PRKD3: variants seen among roughly 807,000 people sequenced by gnomAD.
The protein encoded by PRKD3 is serine/threonine-protein kinase D3.
PRKD3 carries 47 observed loss-of-function variants against 99.2 expected under a neutral mutation model. The ratio of observed to expected loss-of-function variants is 0.47; its 90% CI spans 0.38 to 0.60. The LOEUF is 0.60. Ranked by LOEUF, PRKD3 falls within the 20% of genes least tolerant of loss-of-function variation. The pLI is 0.00. For synonymous variants in PRKD3, 392 were observed against 355.4 expected, an observed-to-expected ratio of 1.10 and a Z score of -1.16; for missense variants, 1,019 against 1,088.4, an observed-to-expected ratio of 0.94 and a Z score of 0.90.
At position 37,316,816 on chromosome 2, in the gene PRKD3, G is replaced by T; in HGVS notation, c.-292C>A. 8.4e-7 allele frequency: 1 copy of T among 1,187,138 alleles called. No individual in the cohort carries two copies. Among genetic ancestry groups the T allele is most frequent in the Non-Finnish European group, 1.0e-6 (1 of 957,710 alleles). 73.5% of individuals were successfully genotyped at this position (1,187,138 alleles called of 1,614,324 possible). The stretch of plus-strand genomic sequence containing the variant: ...AACATCACTGAGCTATCCTCAGCAG[G>T]ATAGAGTTGACGTAGCTTATTTACG... On this transcript the variant is annotated 5_prime_UTR_variant, in exon 2 of 19. Transcript: ENST00000234179.
At chr2:37,272,993 G>A (rs1220923562) in intron 11 of PRKD3, among the ~76,000 whole-genome samples, 2 of 150,988 alleles carry the variant, frequency 1.3e-5, no homozygotes, top group Non-Finnish European at 2.9e-5. Flanking sequence ...GTGGGGGGAG[G>A]GGGGGAAGTG....
chr2:37,253,090 G>T lies in PRKD3; in HGVS notation c.*87C>A, dbSNP rs1667643809. 1.5e-6 allele frequency: 2 copies of T among 1,335,820 alleles called. No individual in the cohort carries two copies. The highest frequency in any genetic ancestry group is 1.0e-6 in the Non-Finnish European group (1 of 970,362). The allele number at this position is 1,335,820 out of a possible 1,614,324, so 82.7% of individuals were successfully genotyped here. ...TATTTCTTCATATCTTTGCAGCACT[G>T]CAGATGACAATCTACAAAGAACAAG... On this transcript the variant is annotated 3_prime_UTR_variant, in exon 19 of 19. Coordinates refer to ENST00000234179, the MANE Select transcript of PRKD3 (RefSeq NM_005813.6).
chr2:37,257,884 T>A (rs1416756259), intron 16 of PRKD3, among the ~76,000 whole-genome samples: 2 of 152,100 alleles, frequency 1.3e-5, no homozygotes, highest in Non-Finnish European at 2.9e-5. Context: ...GTGGAACAAA[T>A]TATTTCTAGT....
intron 7 of PRKD3, among the ~76,000 whole-genome samples, chr2:37,281,690 T>C (rs895835540): frequency 2.0e-5 from 3 of 152,132 alleles, no homozygotes; most frequent in Non-Finnish European, 4.4e-5. Flanking sequence ...GGTATTTTGT[T>C]ATAGCAGCAC....
chr2:37,321,044 A>G (rs1671864184), intron 1 of PRKD3, among the ~76,000 whole-genome samples: 1 of 152,226 alleles, frequency 6.6e-6, no homozygotes, highest in African/African-American at 2.4e-5. Context: ...ACTAAATATT[A>G]AACCTAATAA....
At chr2:37,320,455 A>G (rs1671834099) in intron 1 of PRKD3, among the ~76,000 whole-genome samples, 1 of 123,088 alleles carries the variant, frequency 8.1e-6, no homozygotes, top group Non-Finnish European at 1.6e-5. Context: ...TTTTTGAGAC[A>G]GAGACTTGCT....
At position 37,252,955 on chromosome 2, in the gene PRKD3, A is replaced by C; in HGVS notation, c.*222T>G. ...AAACCAGTTATTGCTTAGGCTAAAA[A>C]AGTTTATAAAAAGCTTCACCTTGAT... is the stretch of plus-strand genomic sequence containing the variant. On this transcript the variant is annotated 3_prime_UTR_variant, in exon 19 of 19. Coordinates refer to ENST00000234179, the MANE Select transcript of PRKD3 (RefSeq NM_005813.6). 2.7e-6 allele frequency: 1 copy of C among 373,674 alleles called. No homozygotes were observed. The allele number at this position is 373,674 out of a possible 1,614,324, so 23.1% of individuals were successfully genotyped here. A position where few individuals can be genotyped will look rare whatever the true frequency, so the allele number is the denominator to read the frequency against.
chr2:37,259,189 C>A (rs1309021611), intron 16 of PRKD3, among the ~76,000 whole-genome samples: 1 of 152,144 alleles, frequency 6.6e-6, no homozygotes, highest in Admixed American at 6.5e-5. Context: ...ATACAATACT[C>A]TACATAGAAA....
At chr2:37,297,262 G>C (rs13401278) in intron 2 of PRKD3, among the ~76,000 whole-genome samples, 1 of 151,960 alleles carries the variant, frequency 6.6e-6, no homozygotes, top group African/African-American at 2.4e-5. Flanking sequence ...AATAGGCGGC[G>C]AACACCTGAA....
At chr2:37,257,583 G>A (rs2192939) in intron 16 of PRKD3, among the ~76,000 whole-genome samples, 90,554 of 149,374 alleles carry the variant, frequency 0.61, 27,686 homozygotes, top group African/African-American at 0.69. Context: ...GGAGAATGGC[G>A]TGAACCCAGG....
At chr2:37,302,940 T>C (rs1439713104) in intron 2 of PRKD3, among the ~76,000 whole-genome samples, 3 of 152,122 alleles carry the variant, frequency 2.0e-5, no homozygotes, top group Admixed American at 2.0e-4. Context: ...CTATCTCTGT[T>C]TGCCTGCTCT....
At chr2:37,305,835 T>G (rs1377057366) in intron 2 of PRKD3, among the ~76,000 whole-genome samples, 1 of 152,184 alleles carries the variant, frequency 6.6e-6, no homozygotes, top group Non-Finnish European at 1.5e-5. Flanking sequence ...ATTAACTACT[T>G]TTGAGCACTA....
At chr2:37,274,072 GTTCTGTATC>G (rs1669438743) in intron 11 of PRKD3, among the ~76,000 whole-genome samples, 1 of 152,164 alleles carries the variant, frequency 6.6e-6, no homozygotes, top group South Asian at 2.1e-4. Flanking sequence ...GCCAAGCACT[GTTCTGTATC>G]TTACAGGTTC....
chr2:37,269,894 G>A (rs1351851588), intron 12 of PRKD3, among the ~76,000 whole-genome samples: 1 of 152,186 alleles, frequency 6.6e-6, no homozygotes, highest in Non-Finnish European at 1.5e-5. Context: ...ATAATGTATT[G>A]TGCAAGACTT....
In PRKD3 at chr2:37,324,302, G is replaced by C. The variant is rs563958118; in HGVS notation, c.-656+379C>G. ...GGTCTGGCTTCGGGAACTAGTTTGG[G>C]AGACCCGGGAACGGATCGCCTCCGA... On this transcript the variant is annotated intron_variant, in intron 1 of 18. Coordinates refer to ENST00000234179, the MANE Select transcript of PRKD3 (RefSeq NM_005813.6). The C allele has an allele frequency of 3.5e-6, 3 of 851,242 alleles. No individual in the cohort carries two copies. The South Asian group carries it at 1.6e-4, about 46-fold the overall frequency. 52.7% of individuals were successfully genotyped at this position (851,242 alleles called of 1,614,324 possible).
intron 1 of PRKD3, 190 bp downstream of exon 1, chr2:37,324,491 C>G (rs1246496826): frequency 1.3e-5 from 2 of 150,978 alleles, no homozygotes; most frequent in African/African-American, 4.9e-5. Flanking sequence ...GCGGCTGACA[C>G]CGCCCAGCCC....
Position 37,282,549 on chromosome 2 carries a change from G to T in PRKD3, c.981C>A (p.Phe327Leu). The change falls in exon 7 of 19, where the codon TTC becomes TTA. Residue 327 changes from phenylalanine (F) to leucine (L), a missense_variant. Physicochemically the swap from Phe to Leu is conservative, Grantham distance 22. Transcript: ENST00000234179. The part of the protein sequence containing the change: ...VPRDCLGEVT[F>L]NGEPSSLGTD... Reference sequence around the variant, plus strand: ...TAAGAAAAATAATTTTACCTCCATTGAAAGTAACCTCTCCAAGGCAGTCTC... The same window carrying T: ...TAAGAAAAATAATTTTACCTCCATTTAAAGTAACCTCTCCAAGGCAGTCTC... The T allele has an allele frequency of 6.3e-7, 1 of 1,577,262 alleles. No homozygotes were observed. The highest frequency in any genetic ancestry group is 8.7e-7 in the Non-Finnish European group (1 of 1,147,620).
intron 2 of PRKD3, among the ~76,000 whole-genome samples, chr2:37,304,376 A>G (rs970988875): frequency 2.6e-5 from 4 of 152,202 alleles, no homozygotes; most frequent in Non-Finnish European, 4.4e-5. Flanking sequence ...GTCAATTAGA[A>G]AATGACTCAA....
At chr2:37,281,962 GACA>G (rs367870542) in intron 7 of PRKD3, among the ~76,000 whole-genome samples, 4 of 152,274 alleles carry the variant, frequency 2.6e-5, no homozygotes, top group South Asian at 2.1e-4. Flanking sequence ...AGGGAAAATG[GACA>G]ACGATTATTT....
Sources: allele counts gnomAD v4.1 joint callset (sites outside exome capture counted in the v4.1 genomes callset), GRCh38; gene constraint gnomAD v4.1.1; transcripts MANE v1.5; gene names NCBI Gene and HGNC (gene_info 2026-07-23, HGNC 2026-07-21).